SERPINE2: variants seen among roughly 807,000 people sequenced by gnomAD.
SERPINE2 encodes glia-derived nexin.
SERPINE2 carries 14 observed loss-of-function variants against 36.3 expected under a neutral mutation model. That is an observed-to-expected ratio of 0.39 (90% confidence interval 0.25 to 0.60). SERPINE2 has a LOEUF of 0.60. Ranked by LOEUF, SERPINE2 falls within the 20% of genes least tolerant of loss-of-function variation. SERPINE2 has a pLI of 0.57. For missense variants in SERPINE2, 418 were observed against 499.6 expected (o/e 0.84, Z 1.56); for synonymous variants, 192 against 191.8 (o/e 1.00, Z -0.01).
intron 1 of SERPINE2, among the ~76,000 whole-genome samples, chr2:224,009,408 G>A (rs1439372925): frequency 6.6e-6 from 1 of 152,142 alleles, no homozygotes; most frequent in Non-Finnish European, 1.5e-5. Flanking sequence ...AGAAATAAAT[G>A]TACAGGCCGG....
Position 223,998,307 on chromosome 2 carries a change from T to A in SERPINE2, c.295A>T (p.Ile99Phe). 1 of 1,614,082 alleles carries A rather than the reference T, an allele frequency of 6.2e-7. No homozygotes were observed. The highest frequency in any genetic ancestry group is 1.1e-5 in the South Asian group (1 of 91,082). ...ATGTCTTTATTCTTCTTGGAGACGA[T>A]GGCCTTGTTGATCTTCTTTAATATT... is the stretch of plus-strand genomic sequence containing the variant. Reference protein sequence around the residue: ...GKILKKINKAIVSKKNKDIVT... With the variant: ...GKILKKINKAFVSKKNKDIVT... Residue 99 changes from isoleucine to phenylalanine, a missense_variant, in exon 3 of 9, where the codon ATC becomes TTC. Physicochemically the swap from Ile to Phe is conservative, Grantham distance 21 (BLOSUM62 0). Transcript: ENST00000409304.
intron 6 of SERPINE2, 196 bp from the exon 7 acceptor site, chr2:223,980,593 CT>C: frequency 1.8e-6 from 1 of 550,336 alleles, no homozygotes; most frequent in South Asian, 2.1e-5. Flanking sequence ...GCTAAGTGAA[CT>C]GTGATACTCA....
intron 1 of SERPINE2, among the ~76,000 whole-genome samples, chr2:224,017,280 C>G (rs998312864): frequency 4.0e-5 from 6 of 149,832 alleles, no homozygotes; most frequent in Admixed American, 3.3e-4. Flanking sequence ...TTTTTTTTTA[C>G]GACTGCATGT....
chr2:223,991,298 C>A (rs1013296824), intron 4 of SERPINE2, among the ~76,000 whole-genome samples: 1 of 152,282 alleles, frequency 6.6e-6, no homozygotes, highest in African/African-American at 2.4e-5. Flanking sequence ...GGAGCCAGGA[C>A]CCCGAGGAAG....
chr2:224,006,955 C>T lies in SERPINE2; in HGVS notation c.-22-5033G>A, dbSNP rs372196239. 3.2e-4 allele frequency among the ~76,000 whole-genome samples: 48 copies of T among 152,332 alleles called. No homozygotes were observed. The East Asian group carries it at 7.9e-3, about 25-fold the overall frequency. ...GCCTCACACCCTGCCATGGCCGCCA[C>T]TGCCATCACCTCTCCAGGCTGTGTG... On this transcript the variant is annotated intron_variant, in intron 1 of 8. Coordinates refer to ENST00000409304, the MANE Select transcript of SERPINE2 (RefSeq NM_001136528.2).
At position 223,975,755 on chromosome 2, in the gene SERPINE2, G is replaced by C. The variant is rs1689984677; in HGVS notation, c.*112C>G. 1.1e-6 allele frequency: 1 copy of C among 882,060 alleles called. No individual in the cohort carries two copies. The highest frequency in any genetic ancestry group is 2.2e-5 in the South Asian group (1 of 46,172). 54.6% of individuals were successfully genotyped at this position (882,060 alleles called of 1,614,324 possible). On this transcript the variant is annotated 3_prime_UTR_variant, in exon 9 of 9. Transcript: ENST00000409304. ...GAGTCTGTTCCTAAGAACTAGTTTT[G>C]AAAAAGAAGCGATGTACAAAAATAT...
Position 224,001,781 on chromosome 2 carries a change from A to G in SERPINE2, c.120T>C (p.Asn40=), listed in dbSNP as rs577557701. The part of the protein sequence containing the change: ...LGSNTGIQVF[N]QIVKSRPHDN... ...CATGAGGCCTCGACTTCACAATCTG[A>G]TTGAAAACCTGGATCCCCGTGTTGG... The change falls in exon 2 of 9, where the codon AAT becomes AAC. Residue 40 remains asparagine, a synonymous_variant. Coordinates refer to ENST00000409304, the MANE Select transcript of SERPINE2 (RefSeq NM_001136528.2). 1.3e-5 allele frequency: 21 copies of G among 1,614,046 alleles called. No homozygotes were observed. The South Asian group carries it at 2.1e-4, about 16-fold the overall frequency.
chr2:223,978,211 T>C (rs534226644), intron 7 of SERPINE2: 1 of 152,886 alleles, frequency 6.5e-6, no homozygotes, highest in East Asian at 1.9e-4. Flanking sequence ...TTTGTATTTT[T>C]AGAGACAGGG....
intron 1 of SERPINE2, among the ~76,000 whole-genome samples, chr2:224,002,137 C>CCA: frequency 6.6e-6 from 1 of 151,856 alleles, no homozygotes; most frequent in Non-Finnish European, 1.5e-5. Flanking sequence ...CCACCATACA[C>CCA]GGCTAATTTT....
chr2:223,998,395 T>G, intron 2 of SERPINE2, 53 bp from the exon 3 acceptor site: 1 of 1,445,568 alleles, frequency 6.9e-7, no homozygotes, highest in Non-Finnish European at 9.7e-7. Context: ...TCTAGAAAAG[T>G]TTTTAAAATC....
At chr2:223,992,408 C>T (rs996890559) in intron 3 of SERPINE2, among the ~76,000 whole-genome samples, 2 of 152,048 alleles carry the variant, frequency 1.3e-5, no homozygotes, top group African/African-American at 4.8e-5. Context: ...CTGGTCAGTA[C>T]AAGATAAACA....
chr2:224,036,984 C>T (rs937089385), intron 1 of SERPINE2, among the ~76,000 whole-genome samples: 11 of 152,296 alleles, frequency 7.2e-5, no homozygotes, highest in Middle Eastern at 3.4e-3. Flanking sequence ...CTCTATATTT[C>T]TCTAAGTTCT....
At position 223,984,806 on chromosome 2, in the gene SERPINE2, A is replaced by G; in HGVS notation, c.830T>C (p.Ile277Thr). The change falls in exon 5 of 9, where the codon ATA becomes ACA. Residue 277 changes from isoleucine to threonine, a missense_variant. Ile to Thr is a moderately conservative substitution (Grantham distance 89, BLOSUM62 -1). Transcript: ENST00000409304. ...AIIPHISTKT[I>T]DSWMSIMVPK... ...CACCATGATGCTCATCCAGCTGTCT[A>G]TGGTCTTGGTGCTGATGTGTGGGAT... 6.2e-7 allele frequency: 1 copy of G among 1,613,864 alleles called. No homozygotes were observed.
chr2:223,989,388 C>T (rs1269651394), intron 4 of SERPINE2, among the ~76,000 whole-genome samples: 2 of 152,180 alleles, frequency 1.3e-5, no homozygotes, highest in African/African-American at 2.4e-5. Context: ...AGGAAGCATC[C>T]GACAGGTGGC....
intron 2 of SERPINE2, among the ~76,000 whole-genome samples, chr2:223,999,445 C>T (rs534954419): frequency 2.3e-4 from 35 of 152,312 alleles, no homozygotes; most frequent in South Asian, 6.2e-4. Flanking sequence ...CGATTTGTCA[C>T]TCTGAATGTG....
At position 224,001,920 on chromosome 2, in the gene SERPINE2, G is replaced by C; in HGVS notation, c.-20C>G. 6.2e-7 allele frequency: 1 copy of C among 1,601,218 alleles called. No individual in the cohort carries two copies. Among genetic ancestry groups the C allele is most frequent in the Non-Finnish European group, 8.5e-7 (1 of 1,171,782 alleles). ...GTTCATGGTTCCTTCCACCAAGGAC[G>C]ACCTGGAAAAGTAAGTTAAAAAATA... On this transcript the variant is annotated splice_region_variant and 5_prime_UTR_variant, in exon 2 of 9. Coordinates refer to ENST00000409304, the MANE Select transcript of SERPINE2 (RefSeq NM_001136528.2).
chr2:224,016,061 T>G (rs1214999092), intron 1 of SERPINE2, among the ~76,000 whole-genome samples: 1 of 152,236 alleles, frequency 6.6e-6, no homozygotes, highest in Non-Finnish European at 1.5e-5. Flanking sequence ...GAAATCCAAA[T>G]TTTTAAAACC....
intron 1 of SERPINE2, among the ~76,000 whole-genome samples, chr2:224,007,225 T>C (rs1691457546): frequency 6.6e-6 from 1 of 152,234 alleles, no homozygotes; most frequent in Non-Finnish European, 1.5e-5. Context: ...AAGACTCTTC[T>C]GGGTCCATTC....
At chr2:223,986,063 G>C (rs1368695498) in intron 4 of SERPINE2, among the ~76,000 whole-genome samples, 1 of 152,314 alleles carries the variant, frequency 6.6e-6, no homozygotes, top group Middle Eastern at 3.4e-3. Context: ...CTTTGAGACA[G>C]GGAACTTCAA....
Sources: allele counts gnomAD v4.1 joint callset (sites outside exome capture counted in the v4.1 genomes callset), GRCh38; gene constraint gnomAD v4.1.1; transcripts MANE v1.5; gene names NCBI Gene and HGNC (gene_info 2026-07-23, HGNC 2026-07-21).